TANC2: variants seen among roughly 807,000 people sequenced by gnomAD.
TANC2 encodes the protein protein TANC2.
Under a neutral mutation model 210.5 loss-of-function variants are expected in TANC2, and 26 were observed. That is an observed-to-expected ratio of 0.12 (90% CI 0.09 to 0.17). The LOEUF (loss-of-function observed/expected upper bound fraction) is 0.17, where lower values mean the gene tolerates loss of function less well. Among genes scored for constraint, TANC2 ranks in the 10% least tolerant of loss-of-function variants. The pLI, the probability that TANC2 is intolerant of heterozygous loss-of-function variation, is 1.00. For missense variants in TANC2, 2,129 were observed against 2,608.9 expected, an observed-to-expected ratio of 0.82 and a Z score of 4.01; for synonymous variants, 931 against 967.1, an observed-to-expected ratio of 0.96 and a Z score of 0.69.
At chr17:63,160,550 A>G (rs1447537538) in intron 5 of TANC2, among the ~76,000 whole-genome samples, 2 of 152,194 alleles carry the variant, frequency 1.3e-5, no homozygotes, top group Non-Finnish European at 2.9e-5. Flanking sequence ...AAAAAACAAT[A>G]TACTGTTGCT....
chr17:63,281,428 T>C (rs1196720015), intron 9 of TANC2, among the ~76,000 whole-genome samples: 1 of 152,096 alleles, frequency 6.6e-6, no homozygotes, highest in Non-Finnish European at 1.5e-5. Flanking sequence ...TACTGAACCA[T>C]ATATGTATAG....
chr17:63,070,272 C>T (rs2036349841), intron 2 of TANC2, among the ~76,000 whole-genome samples: 1 of 152,116 alleles, frequency 6.6e-6, no homozygotes. Context: ...AGTCACCTCG[C>T]AAGAGCCTTT....
chr17:63,211,022 C>G (rs1266761048), intron 7 of TANC2, among the ~76,000 whole-genome samples: 1 of 152,080 alleles, frequency 6.6e-6, no homozygotes, highest in East Asian at 1.9e-4. Flanking sequence ...TTTCTCATCC[C>G]TGTATTTTAT....
chr17:63,281,689 G>C (rs901399169), intron 9 of TANC2, among the ~76,000 whole-genome samples: 1 of 152,020 alleles, frequency 6.6e-6, no homozygotes, highest in Non-Finnish European at 1.5e-5. Context: ...ATCTAAGAAC[G>C]TGACCTTTTT....
chr17:63,202,848 T>G (rs1376033791), intron 7 of TANC2, among the ~76,000 whole-genome samples: 3 of 152,160 alleles, frequency 2.0e-5, no homozygotes, highest in Admixed American at 6.6e-5. Flanking sequence ...TCCTTGAATA[T>G]TATATGTTGT....
intron 14 of TANC2, among the ~76,000 whole-genome samples, chr17:63,357,890 C>T (rs1410887515): frequency 6.6e-6 from 1 of 152,210 alleles, no homozygotes; most frequent in Non-Finnish European, 1.5e-5. Context: ...ACTTTCTCTC[C>T]TTCTCTCTAA....
At chr17:63,118,244 C>T (rs1290482698) in intron 4 of TANC2, among the ~76,000 whole-genome samples, 1 of 151,986 alleles carries the variant, frequency 6.6e-6, no homozygotes, top group Non-Finnish European at 1.5e-5. Flanking sequence ...AATGGACTTT[C>T]TTAGTTTAAG....
intron 7 of TANC2, among the ~76,000 whole-genome samples, chr17:63,233,585 C>T (rs929937348): frequency 2.0e-5 from 3 of 152,210 alleles, no homozygotes; most frequent in Admixed American, 2.0e-4. Flanking sequence ...ACCTGGATAC[C>T]TCAGTTGCCA....
chr17:63,387,179 A>G (rs1187227725), intron 15 of TANC2, among the ~76,000 whole-genome samples: 2 of 152,296 alleles, frequency 1.3e-5, no homozygotes, highest in Middle Eastern at 3.4e-3. Context: ...GGAAAGTTCA[A>G]TGATTTAATT....
At chr17:63,276,889 A>G (rs1044100691) in intron 9 of TANC2, among the ~76,000 whole-genome samples, 2 of 152,174 alleles carry the variant, frequency 1.3e-5, no homozygotes, top group African/African-American at 4.8e-5. Context: ...TAAGGAAACT[A>G]TGTCATAGAC....
chr17:63,351,913 A>G (rs144617894), intron 13 of TANC2, among the ~76,000 whole-genome samples: 60 of 152,164 alleles, frequency 3.9e-4, no homozygotes, highest in African/African-American at 1.4e-3. Context: ...AGGGCTTTAG[A>G]TTAAATTTAC....
intron 12 of TANC2, among the ~76,000 whole-genome samples, chr17:63,346,458 A>G (rs895431262): frequency 2.0e-5 from 3 of 152,210 alleles, no homozygotes; most frequent in Non-Finnish European, 2.9e-5. Flanking sequence ...ACACTTTACA[A>G]AAGAAGATAC....
chr17:63,233,221 G>A (rs139790132), intron 7 of TANC2, among the ~76,000 whole-genome samples: 2 of 152,310 alleles, frequency 1.3e-5, no homozygotes, highest in African/African-American at 4.8e-5. Context: ...CCCTCCCCCT[G>A]GGAACTCGGT....
intron 4 of TANC2, among the ~76,000 whole-genome samples, chr17:63,144,299 G>A (rs2039392306): frequency 6.6e-6 from 1 of 152,068 alleles, no homozygotes; most frequent in Non-Finnish European, 1.5e-5. Flanking sequence ...GGATAGGAAA[G>A]GTTCATATGA....
At chr17:63,385,143 C>T (rs1342387821) in intron 15 of TANC2, among the ~76,000 whole-genome samples, 1 of 152,194 alleles carries the variant, frequency 6.6e-6, no homozygotes, top group African/African-American at 2.4e-5. Context: ...AGCACAGAAC[C>T]TGACACATTG....
chr17:63,248,614 G>A (rs1019640408), intron 8 of TANC2, among the ~76,000 whole-genome samples: 8 of 152,130 alleles, frequency 5.3e-5, no homozygotes, highest in Non-Finnish European at 1.0e-4. Flanking sequence ...TTTGGGAAGA[G>A]GATCACCTTC....
At chr17:63,409,154 G>A (rs2048608945) in intron 21 of TANC2, among the ~76,000 whole-genome samples, 1 of 152,002 alleles carries the variant, frequency 6.6e-6, no homozygotes, top group Admixed American at 6.6e-5. Flanking sequence ...TTGTTTATTT[G>A]TATTTGTTTT....
At chr17:63,033,125 G>A (rs1487946356) in intron 2 of TANC2, among the ~76,000 whole-genome samples, 1 of 152,178 alleles carries the variant, frequency 6.6e-6, no homozygotes, top group African/African-American at 2.4e-5. Flanking sequence ...GAATTGGGGT[G>A]CCCCACTCTC....
At chr17:63,283,072 G>A (rs1055973944) in intron 9 of TANC2, among the ~76,000 whole-genome samples, 6 of 151,954 alleles carry the variant, frequency 3.9e-5, no homozygotes, top group African/African-American at 1.4e-4. Flanking sequence ...AAATTTTGTA[G>A]TTTTATGTTT....
Sources: gnomAD v4.1 joint callset for allele counts (sites outside exome capture counted in the v4.1 genomes callset) on GRCh38, gnomAD v4.1.1 for gene constraint, MANE v1.5 for transcripts, NCBI Gene and HGNC (gene_info 2026-07-23, HGNC 2026-07-21) for gene names.